Variants in NGEF observed in about 807,000 individuals in gnomAD.
NGEF encodes neuronal guanine nucleotide exchange factor, also known as ephexin-1.
NGEF carries 31 observed loss-of-function variants against 80.9 expected under a neutral mutation model. The ratio of observed to expected loss-of-function variants is 0.38; its 90% CI spans 0.29 to 0.52. NGEF has a LOEUF of 0.52. NGEF is among the 20% of genes least tolerant of loss of function. NGEF has a pLI of 0.84. For synonymous variants in NGEF, 371 were observed against 370.2 expected (o/e 1.00, Z -0.03); for missense variants, 709 against 926.2 (o/e 0.77, Z 3.04).
intron 3 of NGEF, among the ~76,000 whole-genome samples, chr2:232,932,163 CTTTTTTTTT>C (rs397988249): frequency 2.6e-5 from 3 of 115,590 alleles, no homozygotes; most frequent in African/African-American, 1.0e-4. Flanking sequence ...AATCACCTTT[CTTTTTTTTT>C]TTTTTTTTTT....
intron 1 of NGEF, among the ~76,000 whole-genome samples, chr2:232,991,715 G>A (rs1694654105): frequency 6.6e-6 from 1 of 152,076 alleles, no homozygotes; most frequent in African/African-American, 2.4e-5. Context: ...AATCCCAGGT[G>A]GCTTGTTTGC....
chr2:232,996,849 T>C (rs1160617100), intron 1 of NGEF, among the ~76,000 whole-genome samples: 1 of 152,150 alleles, frequency 6.6e-6, no homozygotes, highest in East Asian at 1.9e-4. Flanking sequence ...GCAGGATACA[T>C]AAAGAGCCCA....
At position 232,995,130 on chromosome 2, in the gene NGEF, T is replaced by C. The variant is rs1443515752; in HGVS notation, c.-75+17938A>G. On this transcript the variant is annotated intron_variant, in intron 1 of 14. Coordinates refer to ENST00000264051, the MANE Select transcript of NGEF (RefSeq NM_019850.3). ...TATGTATATGTGTACAGTATGTATA[T>C]ATGTACAGTATGTATATATGTACAG... 4.9e-4 allele frequency among the ~76,000 whole-genome samples: 3 copies of C among 6,082 alleles called. 1 individual carries two copies. The highest frequency in any genetic ancestry group is 1.7e-3 in the Admixed American group (1 of 574). The allele number at this position is 6,082 out of a possible 152,430, so 4.0% of individuals were successfully genotyped here.
At chr2:232,984,693 C>T (rs576382754) in intron 1 of NGEF, among the ~76,000 whole-genome samples, 4 of 152,168 alleles carry the variant, frequency 2.6e-5, no homozygotes, top group Middle Eastern at 3.4e-3. Flanking sequence ...AAGGAGAAGC[C>T]GGGAGGACTC....
Position 232,901,353 on chromosome 2 carries a change from G to A in NGEF, c.829-6437C>T, listed in dbSNP as rs1423913226. 7.1e-6 allele frequency: 7 copies of A among 984,866 alleles called. No individual in the cohort carries two copies. The African/African-American group carries it at 8.7e-5, about 12-fold the overall frequency. The allele number at this position is 984,866 out of a possible 1,614,324, so 61.0% of individuals were successfully genotyped here. A position where few individuals can be genotyped will look rare whatever the true frequency, so the allele number is the denominator to read the frequency against. On this transcript the variant is annotated intron_variant, in intron 5 of 14. Transcript: ENST00000264051. The stretch of plus-strand genomic sequence containing the variant: ...CGAGGCTGCGCGATTTCTCCTCCCC[G>A]CTCTTTACCTACACGGTCTCCTTAT...
At chr2:233,003,219 C>T (rs1695016555) in intron 1 of NGEF, among the ~76,000 whole-genome samples, 1 of 152,194 alleles carries the variant, frequency 6.6e-6, no homozygotes, top group Non-Finnish European at 1.5e-5. Context: ...TTGGGGCCTC[C>T]CCACCCCAAG....
intron 3 of NGEF, among the ~76,000 whole-genome samples, chr2:232,932,872 G>A (rs1320196345): frequency 6.6e-6 from 1 of 152,040 alleles, no homozygotes; most frequent in Non-Finnish European, 1.5e-5. Context: ...GAAAGGCTGA[G>A]TCGGGTGGAT....
Position 232,920,432 on chromosome 2 carries a change from G to A in NGEF, c.680C>T (p.Pro227Leu), listed in dbSNP as rs140010312. 50 of 1,613,840 alleles carry A rather than the reference G, an allele frequency of 3.1e-5. No individual in the cohort carries two copies. The African/African-American group carries it at 4.1e-4, about 13-fold the overall frequency. The change falls in exon 5 of 15, where the codon CCG becomes CTG. Residue 227 changes from proline (P) to leucine (L), a missense_variant. By Grantham distance (98) the Pro-to-Leu change is moderately conservative. Coordinates refer to ENST00000264051, the MANE Select transcript of NGEF (RefSeq NM_019850.3). ...AGTCTTCCTCTCTGGTGGGCTGGCC[G>A]GCTCCTCCTCCTCCTCCTCTTCTTC... ...EEEEEEEEEE[P>L]ASPPERKTLP...
chr2:232,958,213 T>C (rs1693872014), intron 3 of NGEF, among the ~76,000 whole-genome samples: 1 of 152,222 alleles, frequency 6.6e-6, no homozygotes, highest in African/African-American at 2.4e-5. Flanking sequence ...GTCTCCTATA[T>C]TACTAGGGGA....
intron 1 of NGEF, among the ~76,000 whole-genome samples, chr2:232,998,413 G>T (rs892024514): frequency 1.3e-5 from 2 of 152,240 alleles, no homozygotes; most frequent in Non-Finnish European, 2.9e-5. Flanking sequence ...GGAGCATGGC[G>T]CATGTGCTTA....
rs532508754 is a variant in NGEF, at chr2:232,956,847, A to G, written c.383+13367T>C. 2.0e-5 allele frequency among the ~76,000 whole-genome samples: 3 copies of G among 151,964 alleles called. No individual in the cohort carries two copies. In the South Asian group the frequency reaches 6.2e-4, roughly 32 times the overall value. The stretch of plus-strand genomic sequence containing the variant: ...AAGTTACAGTTATAAACAGTCAAGT[A>G]AACAAAATAAAAGCGCATAAGAAGG... On this transcript the variant is annotated intron_variant, in intron 3 of 14. Coordinates refer to ENST00000264051, the MANE Select transcript of NGEF (RefSeq NM_019850.3).
At chr2:232,883,178 G>T in intron 12 of NGEF, 133 bp downstream of exon 12, 2 of 1,142,140 alleles carry the variant, frequency 1.8e-6, no homozygotes, top group Non-Finnish European at 2.4e-6. Flanking sequence ...GTCTGGACGG[G>T]AAGGATGGGC....
intron 5 of NGEF, among the ~76,000 whole-genome samples, chr2:232,908,946 C>T (rs1352314888): frequency 1.3e-5 from 2 of 152,116 alleles, no homozygotes; most frequent in African/African-American, 2.4e-5. Flanking sequence ...CAGCCACCTC[C>T]GGGAACTGCC....
At chr2:232,994,906 TACACATGTATTATATAC>T (rs1694745801) in intron 1 of NGEF, among the ~76,000 whole-genome samples, 3 of 146,882 alleles carry the variant, frequency 2.0e-5, no homozygotes, top group Non-Finnish European at 4.5e-5. Context: ...AATACATACA[TACACATGTATTATATAC>T]ATACATGGAT....
At chr2:232,986,313 G>GT (rs1694530631) in intron 1 of NGEF, among the ~76,000 whole-genome samples, 1 of 152,226 alleles carries the variant, frequency 6.6e-6, no homozygotes, top group Non-Finnish European at 1.5e-5. Context: ...GGTTCCTCAA[G>GT]AGGTTAAAAA....
chr2:232,920,211 G>T, intron 5 of NGEF, 73 bp downstream of exon 5: 1 of 1,458,520 alleles, frequency 6.9e-7, no homozygotes, highest in South Asian at 1.3e-5. Context: ...CCCCCCAGAG[G>T]AAGCCTCACC....
chr2:232,975,762 G>A (rs553332755), intron 1 of NGEF, among the ~76,000 whole-genome samples: 4 of 152,256 alleles, frequency 2.6e-5, no homozygotes, highest in East Asian at 3.9e-4. Flanking sequence ...CAGAGAGGCC[G>A]AGCTAGGAAT....
intron 1 of NGEF, among the ~76,000 whole-genome samples, chr2:232,993,906 A>T (rs774400603): frequency 1.1e-4 from 17 of 152,120 alleles, no homozygotes; most frequent in Admixed American, 4.6e-4. Context: ...GTTGCCCAGG[A>T]CTGGGTGGGT....
At chr2:232,979,843 T>C (rs893750939) in intron 1 of NGEF, among the ~76,000 whole-genome samples, 1 of 151,850 alleles carries the variant, frequency 6.6e-6, no homozygotes, top group Non-Finnish European at 1.5e-5. Flanking sequence ...ACAACAACAC[T>C]CTGTAAACAT....
Sources: allele counts gnomAD v4.1 joint callset (sites outside exome capture counted in the v4.1 genomes callset), GRCh38; gene constraint gnomAD v4.1.1; transcripts MANE v1.5; gene names NCBI Gene and HGNC (gene_info 2026-07-23, HGNC 2026-07-21).